CRHBP: variants seen among roughly 807,000 people sequenced by gnomAD.
CRHBP encodes corticotropin-releasing hormone-binding protein.
A neutral mutation model predicts 34.9 loss-of-function variants in CRHBP; 19 were observed. The ratio of observed to expected loss-of-function variants is 0.55; its 90% CI spans 0.38 to 0.80. The LOEUF (loss-of-function observed/expected upper bound fraction) is 0.80. CRHBP is among the 30% of genes least tolerant of loss of function. The pLI, the probability that CRHBP is intolerant of heterozygous loss-of-function variation, is 0.00. For synonymous variants in CRHBP, 154 were observed against 153.4 expected (o/e 1.00, Z -0.03); for missense variants, 328 against 409.2 (o/e 0.80, Z 1.71).
chr5:76,954,667 A>G (rs1429258199), intron 3 of CRHBP, among the ~76,000 whole-genome samples: 1 of 152,154 alleles, frequency 6.6e-6, no homozygotes, highest in Non-Finnish European at 1.5e-5. Context: ...AGCCGTTCCG[A>G]GAGCACAGAG....
intron 6 of CRHBP, among the ~76,000 whole-genome samples, chr5:76,964,272 A>G (rs757413050): frequency 5.3e-5 from 8 of 152,084 alleles, no homozygotes; most frequent in Non-Finnish European, 8.8e-5. Context: ...AACATTAACG[A>G]GACAAAACAG....
intron 5 of CRHBP, 52 bp downstream of exon 5, chr5:76,958,941 G>A (rs1221096080): frequency 6.3e-7 from 1 of 1,581,374 alleles, no homozygotes. Context: ...AACTTTATCA[G>A]AGCAGAAGCA....
chr5:76,975,825 A>AAAAT, intron 2 of CRHBP, among the ~76,000 whole-genome samples: 18 of 61,836 alleles, frequency 2.9e-4, no homozygotes, highest in African/African-American at 5.5e-4. Flanking sequence ...AAAAAAAAAA[A>AAAAT]ATATATATAT....
At chr5:76,965,415 G>A (rs75319082) in intron 6 of CRHBP, among the ~76,000 whole-genome samples, 2,726 of 152,268 alleles carry the variant, frequency 0.018, 76 homozygotes, top group African/African-American at 0.062. Flanking sequence ...CCCACTTTGC[G>A]GAAAACTAGA....
chr5:76,957,898 T>C (rs1430433045), intron 4 of CRHBP, among the ~76,000 whole-genome samples: 1 of 152,086 alleles, frequency 6.6e-6, no homozygotes, highest in Non-Finnish European at 1.5e-5. Flanking sequence ...GGGGGCTCAC[T>C]CCTGTAATCC....
downstream of CRHBP, among the ~76,000 whole-genome samples, chr5:76,969,817 A>G (rs1045172047): frequency 6.6e-6 from 1 of 152,022 alleles, no homozygotes; most frequent in African/African-American, 2.4e-5. Context: ...CTTCTTTGAT[A>G]CTGAAGGCAG....
downstream of CRHBP, among the ~76,000 whole-genome samples, chr5:76,970,529 AATGG>A (rs771540525): frequency 3.9e-5 from 6 of 152,116 alleles, no homozygotes; most frequent in African/African-American, 4.8e-5. Context: ...TAAATGCTTG[AATGG>A]ATGGATGGAT....
intron 4 of CRHBP, 123 bp from the exon 5 acceptor site, chr5:76,958,618 C>T: frequency 9.0e-7 from 1 of 1,109,442 alleles, no homozygotes. Context: ...TATATATGCT[C>T]TCTTCCTGGG....
chr5:76,957,366 A>G (rs1286494767), intron 4 of CRHBP, among the ~76,000 whole-genome samples: 5 of 152,172 alleles, frequency 3.3e-5, no homozygotes, highest in Admixed American at 1.3e-4. Flanking sequence ...TTCTAGTTTC[A>G]TATCTAGACT....
intron 6 of CRHBP, 54 bp from the exon 7 acceptor site, chr5:76,968,674 G>T: frequency 1.3e-6 from 2 of 1,542,600 alleles, no homozygotes; most frequent in South Asian, 2.5e-5. Flanking sequence ...TTTAAATGAT[G>T]ACTGTGTGGT....
rs1745909398 is a variant in CRHBP at position 76,969,306 on chromosome 5, A to G, written c.*421A>G. The G allele has an allele frequency of 6.5e-6, 1 of 154,848 alleles. No individual in the cohort carries two copies. The allele number at this position is 154,848 out of a possible 1,614,324, so 9.6% of individuals were successfully genotyped here. A position where few individuals can be genotyped will look rare whatever the true frequency, so the allele number is the denominator to read the frequency against. On this transcript the variant is annotated 3_prime_UTR_variant, in exon 7 of 7. Coordinates refer to ENST00000274368, the MANE Select transcript of CRHBP (RefSeq NM_001882.4). ...GATAAAGTCTTGTGTATAGCAAAGTAGTTGCATCTGTTTATTTTCTATTTA... is the reference window on the plus strand; with the variant it reads ...GATAAAGTCTTGTGTATAGCAAAGTGGTTGCATCTGTTTATTTTCTATTTA...
At chr5:76,978,502 G>T (rs527337777) in intron 3 of CRHBP, among the ~76,000 whole-genome samples, 1 of 152,036 alleles carries the variant, frequency 6.6e-6, no homozygotes, top group South Asian at 2.1e-4. Context: ...ATGGTTTACT[G>T]GATATTTGAA....
chr5:76,975,779 G>T (rs1746014551), intron 2 of CRHBP, among the ~76,000 whole-genome samples: 1 of 126,536 alleles, frequency 7.9e-6, no homozygotes, highest in Non-Finnish European at 1.6e-5. Context: ...ACTCCAGCCT[G>T]GGCAACAGAG....
Position 76,963,176 on chromosome 5 carries a change from T to C in CRHBP, c.694-167T>C, listed in dbSNP as rs1163343123. On this transcript the variant is annotated intron_variant, in intron 5 of 6. Transcript: ENST00000274368. Reference sequence around the variant, plus strand: ...TAGAAAAGCAATTTTTATGATTTTTTCTCTTTTAAATGTCTTTTAATTTCC... The same window carrying C: ...TAGAAAAGCAATTTTTATGATTTTTCCTCTTTTAAATGTCTTTTAATTTCC... 8.0e-5 allele frequency: 47 copies of C among 584,344 alleles called. No individual in the cohort carries two copies. In the Admixed American group the frequency reaches 1.3e-3, roughly 16 times the overall value. The allele number at this position is 584,344 out of a possible 1,614,324, so 36.2% of individuals were successfully genotyped here.
At chr5:76,975,825 A>AAAAAAAAAAAT in intron 2 of CRHBP, among the ~76,000 whole-genome samples, 2 of 61,860 alleles carry the variant, frequency 3.2e-5, no homozygotes, top group African/African-American at 1.8e-4. Context: ...AAAAAAAAAA[A>AAAAAAAAAAAT]ATATATATAT....
intron 3 of CRHBP, among the ~76,000 whole-genome samples, chr5:76,954,530 G>GA (rs1745636344): frequency 6.6e-6 from 1 of 152,118 alleles, no homozygotes; most frequent in African/African-American, 2.4e-5. Flanking sequence ...CAGGGCCGAG[G>GA]AAAAATGATT....
At position 76,958,137 on chromosome 5, in the gene CRHBP, T is replaced by A. The variant is rs1745718672; in HGVS notation, c.545-604T>A. On this transcript the variant is annotated intron_variant, in intron 4 of 6. Transcript: ENST00000274368. ...TGGTGCCACTGCATTCTAGCCAGGG[T>A]GACAGAGCAAGATTCCATCTCAGAA... 4.0e-5 allele frequency among the ~76,000 whole-genome samples: 6 copies of A among 150,278 alleles called. No homozygotes were observed. The South Asian group carries it at 1.3e-3, about 31-fold the overall frequency.
chr5:76,972,646 C>T (rs1210834149), downstream of CRHBP, among the ~76,000 whole-genome samples: 1 of 152,192 alleles, frequency 6.6e-6, no homozygotes, highest in African/African-American at 2.4e-5. Context: ...GGATCCTTTT[C>T]TACCTCCTCT....
At chr5:76,977,783 A>G (rs1317789633) in intron 3 of CRHBP, among the ~76,000 whole-genome samples, 1 of 152,250 alleles carries the variant, frequency 6.6e-6, no homozygotes. Context: ...GAAATGATTA[A>G]GCTTAGTGAA....
Sources: gnomAD v4.1 joint callset for allele counts (sites outside exome capture counted in the v4.1 genomes callset) on GRCh38, gnomAD v4.1.1 for gene constraint, MANE v1.5 for transcripts, NCBI Gene and HGNC (gene_info 2026-07-23, HGNC 2026-07-21) for gene names.